The following NEB variants were observed in gnomAD, a reference collection of about 807,000 sequenced individuals.
The protein encoded by NEB is nebulin, also known as nemaline myopathy type 2.
A neutral mutation model predicts 952.2 loss-of-function variants in NEB; 512 were observed. The ratio of observed to expected loss-of-function variants is 0.54; its 90% CI spans 0.50 to 0.58. The LOEUF is 0.58. NEB is among the 20% of genes least tolerant of loss of function. The probability of loss-of-function intolerance (pLI) is 0.00; values close to 1 mark genes in which losing one functional copy is unlikely to be tolerated. For missense variants in NEB, 8,428 were observed against 9,231.1 expected (o/e 0.91, Z 3.56); for synonymous variants, 2,900 against 3,149.8 (o/e 0.92, Z 2.66).
At chr2:151,712,748 T>C (rs1577357299) in intron 10 of NEB, among the ~76,000 whole-genome samples, 1 of 152,104 alleles carries the variant, frequency 6.6e-6, no homozygotes, top group East Asian at 1.9e-4. Context: ...TATGTGTCCA[T>C]GTGGGACCCT....
In NEB at chr2:151,639,901, G is replaced by T. The variant is rs1225041502; in HGVS notation, c.8845C>A (p.Leu2949Met). 1.2e-6 allele frequency: 2 copies of T among 1,613,814 alleles called. No homozygotes were observed. The highest frequency in any genetic ancestry group is 1.7e-6 in the Non-Finnish European group (2 of 1,179,856). ...RFKFTSVTDS[L>M]EQVLAKNNAI... ...TTATTTTTGGCCAACACTTGTTCCA[G>T]AGAGTCAGTCACACTGGTAAATTTG... Residue 2949 changes from leucine to methionine, a missense_variant, in exon 62 of 182, where the codon CTG becomes ATG. Leu to Met is a conservative substitution (Grantham distance 15, BLOSUM62 2). This residue lies in a region of NEB where 1,772 missense variants were observed against 1,960.3 expected (regional missense o/e 0.90). Transcript: ENST00000397345.
rs746334983 is a variant in NEB, at chr2:151,553,980, T to A, written c.19474A>T (p.Ile6492Phe). 6.2e-7 allele frequency: 1 copy of A among 1,613,872 alleles called. No homozygotes were observed. The highest frequency in any genetic ancestry group is 8.5e-7 in the Non-Finnish European group (1 of 1,179,796). ...VYEKNKMKIH[I>F]VPDMVEMVTA... is the part of the protein sequence containing the mutation. ...ACCATCTCTACCATGTCGGGCACGA[T>A]GTGGATTTTCATCTTGTTCTTTTCA... is the stretch of plus-strand genomic sequence containing the variant. The change falls in exon 126 of 182, where the codon ATC (isoleucine) becomes TTC (phenylalanine). Residue 6492 changes from isoleucine (I) to phenylalanine (F), a missense_variant. Around this residue, in one of 11 missense-constraint regions of NEB, gnomAD observed 3,374 missense variants for 3,651.5 expected, o/e 0.92. Transcript: ENST00000397345.
chr2:151,496,804 G>A (rs1216164728), intron 172 of NEB, 137 bp downstream of exon 172: 11 of 1,146,116 alleles, frequency 9.6e-6, no homozygotes, highest in Non-Finnish European at 1.2e-5. Flanking sequence ...GTAGCCCAAA[G>A]GAAAAAAGGA....
chr2:151,649,572 G>A (rs1343205812), intron 54 of NEB, among the ~76,000 whole-genome samples: 1 of 152,300 alleles, frequency 6.6e-6, no homozygotes, highest in African/African-American at 2.4e-5. Flanking sequence ...GCTGAGCAGT[G>A]TTGAGTAATC....
chr2:151,552,595 T>A (rs1054583918), intron 128 of NEB, 77 bp downstream of exon 128: 2 of 1,004,064 alleles, frequency 2.0e-6, no homozygotes, highest in Non-Finnish European at 3.1e-6. Context: ...CTGCCCAGTC[T>A]ATGGTTTTTG....
intron 116 of NEB, 99 bp downstream of exon 116, chr2:151,565,401 AT>A (rs1335504547): frequency 2.1e-5 from 19 of 914,740 alleles, no homozygotes; most frequent in South Asian, 1.8e-4. Context: ...CCACCTCCCA[AT>A]TTTTTTACAA....
rs529815073 is a variant in NEB, at chr2:151,639,758, C to G, written c.8889+99G>C. ...AGATACATAGACAGATAGATAGATG[C>G]CTTTTATTACTCAATGTTCTTTCTT... On this transcript the variant is annotated intron_variant, in intron 62 of 181. Transcript: ENST00000397345. The G allele has an allele frequency of 7.0e-6, 7 of 1,000,472 alleles. No homozygotes were observed. The African/African-American group carries it at 1.1e-4, about 16-fold the overall frequency. 62.0% of individuals were successfully genotyped at this position (1,000,472 alleles called of 1,614,324 possible).
At chr2:151,550,518 A>C (rs2153638259) in intron 129 of NEB, among the ~76,000 whole-genome samples, 1 of 152,340 alleles carries the variant, frequency 6.6e-6, no homozygotes, top group South Asian at 2.1e-4. Flanking sequence ...TGAAGAGGTC[A>C]GGATGCATGT....
chr2:151,524,338 G>C lies in NEB; in HGVS notation c.22452C>G (p.Ala7484=), dbSNP rs766289411. The change falls in exon 153 of 182, where the codon GCC becomes GCG. Residue 7484 remains alanine, a synonymous_variant. Transcript: ENST00000397345. The part of the protein sequence containing the change: ...SMLGRPDIEM[A]KKAAKLSSQV... ...GGCTGCTCAGCTTGGCTGCCTTCTTGGCCATTTCTATGTCTGGGCGACCGA... is the reference window on the plus strand; with the variant it reads ...GGCTGCTCAGCTTGGCTGCCTTCTTCGCCATTTCTATGTCTGGGCGACCGA... The C allele has an allele frequency of 1.2e-6, 2 of 1,613,846 alleles. No homozygotes were observed. The highest frequency in any genetic ancestry group is 2.2e-5 in the South Asian group (2 of 91,088).
Position 151,553,888 on chromosome 2 carries a change from A to C in NEB, c.19566T>G (p.Ile6522Met). The change falls in exon 126 of 182, where the codon ATT becomes ATG. Residue 6522 changes from isoleucine (I) to methionine (M), a missense_variant. By Grantham distance (10) the Ile-to-Met change is conservative (BLOSUM62 1). This residue lies in a region of NEB where 3,374 missense variants were observed against 3,651.5 expected (regional missense o/e 0.92). Coordinates refer to ENST00000397345, the MANE Select transcript of NEB (RefSeq NM_001164508.2). ...CATTGACTTGCAAGTCGGGGTGGCAAATCCATTCGTGGAGGCGCAGGCGGT... is the reference window on the plus strand; with the variant it reads ...CATTGACTTGCAAGTCGGGGTGGCACATCCATTCGTGGAGGCGCAGGCGGT... ...IDYRLRLHEW[I>M]CHPDLQVNDH... 1 of 1,613,870 alleles carries C rather than the reference A, an allele frequency of 6.2e-7. No individual in the cohort carries two copies. The highest frequency in any genetic ancestry group is 1.1e-5 in the South Asian group (1 of 91,080).
intron 58 of NEB, 47 bp from the exon 59 acceptor site, chr2:151,642,916 G>C (rs200091194): frequency 7.3e-7 from 1 of 1,379,026 alleles, no homozygotes; most frequent in Non-Finnish European, 9.9e-7. Context: ...GTAATAAATA[G>C]ACACATGCAG....
rs1196931716 is a variant in NEB at position 151,612,221 on chromosome 2, C to T, written c.11770G>A (p.Val3924Ile). 6.2e-6 allele frequency: 10 copies of T among 1,613,714 alleles called. No homozygotes were observed. The highest frequency in any genetic ancestry group is 1.3e-5 in the African/African-American group (1 of 74,892). The change falls in exon 78 of 182, where the codon GTC (valine) becomes ATC (isoleucine). Residue 3924 changes from valine (V) to isoleucine (I), a missense_variant. Physicochemically the swap from Val to Ile is conservative, Grantham distance 29 (BLOSUM62 3). Around this residue, in one of 11 missense-constraint regions of NEB, gnomAD observed 337 missense variants for 297.5 expected, o/e 1.13. Transcript: ENST00000397345. Reference protein sequence around the residue: ...FTCITDTPEIVLAKNNALTMS... With the variant: ...FTCITDTPEIILAKNNALTMS... ...GTCAGGGCATTATTCTTTGCTAGGA[C>T]AATTTCCGGAGTGTCGGTAATGCAT...
intron 65 of NEB, among the ~76,000 whole-genome samples, chr2:151,632,482 C>T (rs2098688495): frequency 6.6e-6 from 1 of 151,880 alleles, no homozygotes; most frequent in African/African-American, 2.4e-5. Context: ...TGGAGACCAG[C>T]CTGGCCAATA....
chr2:151,654,868 T>C (rs757463424), intron 51 of NEB, among the ~76,000 whole-genome samples: 1 of 152,230 alleles, frequency 6.6e-6, no homozygotes, highest in Non-Finnish European at 1.5e-5. Context: ...TATTTATTTA[T>C]TAGAGACAGG....
chr2:151,718,359 G>A (rs2099765069), intron 9 of NEB, among the ~76,000 whole-genome samples: 1 of 152,110 alleles, frequency 6.6e-6, no homozygotes, highest in Non-Finnish European at 1.5e-5. Flanking sequence ...CTTGCTTGGG[G>A]CTCTGTGCCC....
rs1403455817 is a variant in NEB at position 151,631,129 on chromosome 2, C to A, written c.9618+14G>T. ...TCTGGCATCTTGGAGAAGCTTAAGG[C>A]AGCTAGGACTCACCTTATTCATGTT... On this transcript the variant is annotated intron_variant, in intron 66 of 181. Coordinates refer to ENST00000397345, the MANE Select transcript of NEB (RefSeq NM_001164508.2). 1 of 1,613,308 alleles carries A rather than the reference C, an allele frequency of 6.2e-7. No individual in the cohort carries two copies. Among genetic ancestry groups the A allele is most frequent in the Non-Finnish European group, 8.5e-7 (1 of 1,179,496 alleles).
chr2:151,518,350 G>C lies in NEB; in HGVS notation c.22768C>G (p.His7590Asp). 5.0e-6 allele frequency: 8 copies of C among 1,611,312 alleles called. No homozygotes were observed. The highest frequency in any genetic ancestry group is 6.8e-6 in the Non-Finnish European group (8 of 1,177,498). ...TGTAATTCTGTGGCCTCTTTTAGGTGAAGCTGCTCCAGATTATCGGGTATG... is the reference window on the plus strand; with the variant it reads ...TGTAATTCTGTGGCCTCTTTTAGGTCAAGCTGCTCCAGATTATCGGGTATG... Reference protein sequence around the residue: ...HTIPDNLEQLHLKEATELQSI... With the variant: ...HTIPDNLEQLDLKEATELQSI... Residue 7590 changes from histidine (H) to aspartate (D), a missense_variant, in exon 156 of 182, where the codon CAC becomes GAC. Physicochemically the swap from His to Asp is moderately conservative, Grantham distance 81 (BLOSUM62 -1). Transcript: ENST00000397345.
chr2:151,697,204 G>C lies in NEB; in HGVS notation c.1414C>G (p.Pro472Ala). ...YEEDRGKGFF[P>A]QTITQEYEAI... ...TCATATTCTTGAGTTATGGTCTGAG[G>C]GAAGAAGCCTTTGCCTCTGTCTTCT... Residue 472 changes from proline (P) to alanine (A), a missense_variant, in exon 16 of 182, where the codon CCT (proline) becomes GCT (alanine). This residue lies in a region of NEB where 2,851 missense variants were observed against 2,791.5 expected (regional missense o/e 1.02). Transcript: ENST00000397345. 1 of 1,613,720 alleles carries C rather than the reference G, an allele frequency of 6.2e-7. No individual in the cohort carries two copies. The highest frequency in any genetic ancestry group is 8.5e-7 in the Non-Finnish European group (1 of 1,179,856).
At position 151,514,839 on chromosome 2, in the gene NEB, A is replaced by G. The variant is rs954547329; in HGVS notation, c.22995T>C (p.Tyr7665=). 1.3e-5 allele frequency: 21 copies of G among 1,580,704 alleles called. No individual in the cohort carries two copies. Among genetic ancestry groups the G allele is most frequent in the Non-Finnish European group, 1.5e-5 (17 of 1,161,688 alleles). ...CTACCTCGCTTGCTATTTTAGTTGC[A>G]TATTTGACATGTAACAAAGCTGGCG... ...EVTPALLHVK[Y]ATKIASEKEY... The change falls in exon 158 of 182, where the codon TAT becomes TAC. Residue 7665 remains tyrosine (Y), a synonymous_variant. Transcript: ENST00000397345.
Sources: gnomAD v4.1 joint callset for allele counts (sites outside exome capture counted in the v4.1 genomes callset) on GRCh38, gnomAD v4.1.1 for gene constraint, gnomAD v4.1.1 regional missense constraint, MANE v1.5 for transcripts, NCBI Gene and HGNC (gene_info 2026-07-23, HGNC 2026-07-21) for gene names.